The following WDR19 variants were observed in gnomAD, a reference collection of about 807,000 sequenced individuals.
WDR19 encodes WD repeat-containing protein 19.
In WDR19, 121 loss-of-function variants were observed where a neutral mutation model predicts 180.0. The observed-to-expected ratio is 0.67, with a 90% confidence interval of 0.58 to 0.78. The LOEUF (loss-of-function observed/expected upper bound fraction) is 0.78, where lower values mean the gene tolerates loss of function less well. Ranked by LOEUF, WDR19 falls within the 30% of genes least tolerant of loss-of-function variation. The pLI, the probability that WDR19 is intolerant of heterozygous loss-of-function variation, is 0.00. For synonymous variants in WDR19, 497 were observed against 540.7 expected (o/e 0.92, Z 1.12); for missense variants, 1,450 against 1,640.7 (o/e 0.88, Z 2.01).
intron 20 of WDR19, among the ~76,000 whole-genome samples, chr4:39,239,401 T>G (rs527351844): frequency 6.6e-6 from 1 of 152,004 alleles, no homozygotes; most frequent in East Asian, 1.9e-4. Flanking sequence ...GCCCTCCAGA[T>G]TCCCTCAATA....
At chr4:39,280,060 G>C (rs1457913169) in intron 36 of WDR19, among the ~76,000 whole-genome samples, 1 of 140,052 alleles carries the variant, frequency 7.1e-6, no homozygotes, top group Admixed American at 7.3e-5. Flanking sequence ...CTAGATACAA[G>C]TTCTATATCA....
chr4:39,210,706 T>A (rs1728406171), intron 9 of WDR19, among the ~76,000 whole-genome samples: 1 of 151,956 alleles, frequency 6.6e-6, no homozygotes, highest in Non-Finnish European at 1.5e-5. Flanking sequence ...AATCATTCTA[T>A]CAGAAGCTAA....
At chr4:39,189,884 A>C in intron 4 of WDR19, 103 bp downstream of exon 4, 1 of 1,259,054 alleles carries the variant, frequency 7.9e-7, no homozygotes, top group Non-Finnish European at 1.1e-6. Context: ...AGATTCCTCA[A>C]TGAGTTATTT....
chr4:39,184,404 G>T (rs1356095420), intron 1 of WDR19, among the ~76,000 whole-genome samples: 1 of 151,242 alleles, frequency 6.6e-6, no homozygotes, highest in Non-Finnish European at 1.5e-5. Context: ...AGAGCAAGAC[G>T]CTGTCTAAAA....
chr4:39,273,794 G>A (rs1340577642), intron 32 of WDR19: 1 of 152,212 alleles, frequency 6.6e-6, no homozygotes, highest in Non-Finnish European at 1.5e-5. Context: ...ATAATAGCCT[G>A]ACTCTGTGTT....
At chr4:39,282,436 C>T (rs944604954) in intron 36 of WDR19, among the ~76,000 whole-genome samples, 4 of 152,114 alleles carry the variant, frequency 2.6e-5, no homozygotes, top group African/African-American at 4.8e-5. Context: ...TCACTCTTGT[C>T]GCCCAGGCCA....
intron 36 of WDR19, among the ~76,000 whole-genome samples, chr4:39,283,943 G>A (rs1349877331): frequency 6.6e-6 from 1 of 152,134 alleles, no homozygotes; most frequent in Non-Finnish European, 1.5e-5. Context: ...ATTGTCTCCA[G>A]TATCAAACTT....
At chr4:39,266,632 T>A (rs1340540975) in intron 29 of WDR19, among the ~76,000 whole-genome samples, 1 of 152,238 alleles carries the variant, frequency 6.6e-6, no homozygotes, top group Non-Finnish European at 1.5e-5. Context: ...TGTTATAATT[T>A]TGTTTATTCT....
At chr4:39,282,093 T>C (rs1736597039) in intron 36 of WDR19, among the ~76,000 whole-genome samples, 1 of 152,220 alleles carries the variant, frequency 6.6e-6, no homozygotes, top group Admixed American at 6.5e-5. Context: ...GTCCATTGAT[T>C]GGGACCTTAA....
intron 28 of WDR19, among the ~76,000 whole-genome samples, chr4:39,263,296 T>C (rs757153650): frequency 6.6e-6 from 1 of 152,202 alleles, no homozygotes; most frequent in Non-Finnish European, 1.5e-5. Flanking sequence ...TCTCACTTGC[T>C]AAATATAGAA....
intron 19 of WDR19, 140 bp from the exon 20 acceptor site, chr4:39,234,626 A>C: frequency 3.0e-6 from 2 of 662,700 alleles, no homozygotes; most frequent in Non-Finnish European, 5.4e-6. Flanking sequence ...TACTATAGTA[A>C]TATATTATCA....
intron 4 of WDR19, among the ~76,000 whole-genome samples, chr4:39,190,473 C>T (rs1726037050): frequency 6.6e-6 from 1 of 152,184 alleles, no homozygotes; most frequent in African/African-American, 2.4e-5. Context: ...CCATTTTGAC[C>T]TTGGACAAAT....
chr4:39,284,513 C>A (rs1232573004), intron 36 of WDR19, among the ~76,000 whole-genome samples: 1 of 101,378 alleles, frequency 9.9e-6, no homozygotes, highest in African/African-American at 5.7e-5. Flanking sequence ...TTTTTTTTTT[C>A]TTTTTTTTAG....
intron 18 of WDR19, 45 bp downstream of exon 18, chr4:39,232,001 A>T (rs752698174): frequency 6.3e-7 from 1 of 1,593,498 alleles, no homozygotes; most frequent in Non-Finnish European, 8.6e-7. Flanking sequence ...TTTAAATGCT[A>T]TTTTAAGTTA....
intron 20 of WDR19, among the ~76,000 whole-genome samples, chr4:39,235,469 T>C (rs1450611596): frequency 6.6e-6 from 1 of 152,172 alleles, no homozygotes; most frequent in African/African-American, 2.4e-5. Flanking sequence ...TCAACAACTA[T>C]GCATAGCATC....
At chr4:39,274,028 TGGGCA>T (rs1245572773) in intron 32 of WDR19, 2 of 152,216 alleles carry the variant, frequency 1.3e-5, no homozygotes, top group African/African-American at 4.8e-5. Context: ...CGTAAACGAA[TGGGCA>T]TGACTGTGTT....
chr4:39,222,945 T>C (rs1164856024), intron 14 of WDR19, among the ~76,000 whole-genome samples: 2 of 152,238 alleles, frequency 1.3e-5, no homozygotes, highest in Non-Finnish European at 2.9e-5. Context: ...ATTTCAATAA[T>C]GTGTAAATGG....
chr4:39,278,719 C>G, intron 36 of WDR19, 56 bp downstream of exon 36: 1 of 1,011,682 alleles, frequency 9.9e-7, no homozygotes, highest in Admixed American at 2.3e-5. Context: ...AGCGTGCACG[C>G]AGCTTTTCAC....
chr4:39,266,201 G>A (rs1734777781), intron 29 of WDR19, 61 bp downstream of exon 29: 8 of 1,407,162 alleles, frequency 5.7e-6, no homozygotes, highest in Non-Finnish European at 7.7e-6. Context: ...GATTCTGCCT[G>A]TTTTTACCCA....
Sources: gnomAD v4.1 joint callset for allele counts (sites outside exome capture counted in the v4.1 genomes callset) on GRCh38, gnomAD v4.1.1 for gene constraint, MANE v1.5 for transcripts, NCBI Gene and HGNC (gene_info 2026-07-23, HGNC 2026-07-21) for gene names.